MEI1: variants seen among roughly 807,000 people sequenced by gnomAD.
MEI1 encodes the protein meiotic double-stranded break formation protein 1, also known as meiosis inhibitor protein 1.
In MEI1, 103 loss-of-function variants were observed where a neutral mutation model predicts 146.2. The observed-to-expected ratio is 0.70, with a 90% CI of 0.60 to 0.83. The LOEUF (loss-of-function observed/expected upper bound fraction) is 0.83, where lower values mean the gene tolerates loss of function less well. Among genes scored for constraint, MEI1 ranks in the 40% least tolerant of loss-of-function variants. The pLI, the probability that MEI1 is intolerant of heterozygous loss-of-function variation, is 0.00. For synonymous variants in MEI1, 652 were observed against 628.2 expected, an observed-to-expected ratio of 1.04 and a Z score of -0.57; for missense variants, 1,529 against 1,533.0, an observed-to-expected ratio of 1.00 and a Z score of 0.04.
chr22:41,730,407 A>G, intron 8 of MEI1, 114 bp from the exon 9 acceptor site: 1 of 691,472 alleles, frequency 1.4e-6, no homozygotes, highest in South Asian at 1.6e-5. Context: ...AGGATATGTG[A>G]ACAGATGAAG....
chr22:41,757,739 G>C (rs986833274), intron 17 of MEI1, among the ~76,000 whole-genome samples: 1 of 152,146 alleles, frequency 6.6e-6, no homozygotes, highest in African/African-American at 2.4e-5. Flanking sequence ...GCAATTGCCT[G>C]TCTCATTATG....
chr22:41,721,562 A>C (rs1179007256), intron 6 of MEI1, among the ~76,000 whole-genome samples: 1 of 43,504 alleles, frequency 2.3e-5, no homozygotes, highest in Non-Finnish European at 4.5e-5. Context: ...GCTAATTAAA[A>C]AATTTTTTTT....
At chr22:41,713,552 T>C (rs2069806409) in intron 3 of MEI1, among the ~76,000 whole-genome samples, 1 of 152,120 alleles carries the variant, frequency 6.6e-6, no homozygotes, top group South Asian at 2.1e-4. Flanking sequence ...TTGTTTTGTT[T>C]TGTTTTGTTT....
chr22:41,751,765 T>C, intron 15 of MEI1, among the ~76,000 whole-genome samples: 3 of 91,956 alleles, frequency 3.3e-5, no homozygotes, highest in African/African-American at 9.5e-5. Context: ...AGCGTGAAAC[T>C]CCATCTTAAA....
At chr22:41,752,416 C>T (rs931383766) in intron 15 of MEI1, 175 bp from the exon 16 acceptor site, 2 of 611,900 alleles carry the variant, frequency 3.3e-6, no homozygotes, top group Non-Finnish European at 6.0e-6. Context: ...AAAACTGAGT[C>T]TCAGAGAAGT....
chr22:41,758,396 T>C lies in MEI1; in HGVS notation c.1983T>C (p.His661=). The C allele has an allele frequency of 6.2e-7, 1 of 1,613,866 alleles. No individual in the cohort carries two copies. Among genetic ancestry groups the C allele is most frequent in the South Asian group, 1.1e-5 (1 of 91,084 alleles). The change falls in exon 18 of 31, where the codon CAT becomes CAC. Residue 661 remains histidine, a synonymous_variant. Coordinates refer to ENST00000401548, the MANE Select transcript of MEI1 (RefSeq NM_152513.4). ...CTGCAGTGTCTGAGCTCCTGCAGCATGGGCTGCCCCAGATAAGCAGCAGGA... is the reference window on the plus strand; with the variant it reads ...CTGCAGTGTCTGAGCTCCTGCAGCACGGGCTGCCCCAGATAAGCAGCAGGA... The part of the protein sequence containing the change: ...ELSAVSELLQ[H]GLPQISSRSP...
intron 20 of MEI1, among the ~76,000 whole-genome samples, chr22:41,772,389 T>A (rs1227318768): frequency 6.6e-6 from 1 of 152,156 alleles, no homozygotes; most frequent in Non-Finnish European, 1.5e-5. Context: ...ATGCCTATAA[T>A]CCCAGTACTT....
intron 6 of MEI1, among the ~76,000 whole-genome samples, chr22:41,720,556 G>A (rs9607834): frequency 1.4e-4 from 21 of 150,920 alleles, no homozygotes; most frequent in Admixed American, 3.3e-4. Flanking sequence ...TCAGCCTACC[G>A]AGTAGCTGGG....
At chr22:41,705,408 GTAATCTGCCACC>G in intron 2 of MEI1, 84 bp from the exon 3 acceptor site, 2 of 1,005,262 alleles carry the variant, frequency 2.0e-6, no homozygotes, top group Non-Finnish European at 3.2e-6. Context: ...CTGACCTCAG[GTAATCTGCCACC>G]TCGGCCTCCC....
chr22:41,758,946 C>T (rs2074273993), intron 18 of MEI1, among the ~76,000 whole-genome samples: 1 of 152,082 alleles, frequency 6.6e-6, no homozygotes, highest in African/African-American at 2.4e-5. Flanking sequence ...AGTTCGAGAC[C>T]AGCCTGGCCA....
chr22:41,740,034 G>C (rs112724017), intron 11 of MEI1, among the ~76,000 whole-genome samples: 8 of 150,492 alleles, frequency 5.3e-5, no homozygotes, highest in African/African-American at 1.2e-4. Flanking sequence ...TTTTTTTGGT[G>C]GGGGGGGTGG....
intron 7 of MEI1, among the ~76,000 whole-genome samples, chr22:41,725,117 TATTA>T (rs1341614085): frequency 1.3e-5 from 2 of 148,398 alleles, no homozygotes; most frequent in Non-Finnish European, 2.9e-5. Context: ...TGTAAATTAT[TATTA>T]TTTTTTTTTT....
At position 41,795,601 on chromosome 22, in the gene MEI1, C is replaced by T. The variant is rs985327379; in HGVS notation, c.3666+59C>T. 1.3e-5 allele frequency: 21 copies of T among 1,607,824 alleles called. No homozygotes were observed. Among genetic ancestry groups the T allele is most frequent in the Admixed American group, 1.7e-5 (1 of 59,690 alleles). ...AAAGCTAGACCCTCAACACCATCTT[C>T]TCTTGGAGGGTGGGAGCTCTGGCCA... is the stretch of plus-strand genomic sequence containing the variant. On this transcript the variant is annotated intron_variant, in intron 29 of 30. Coordinates refer to ENST00000401548, the MANE Select transcript of MEI1 (RefSeq NM_152513.4). The surrounding 1 kb of genome is among the most constrained non-coding windows in gnomAD (Gnocchi z 4.2).
intron 4 of MEI1, among the ~76,000 whole-genome samples, chr22:41,714,352 C>T (rs914811773): frequency 7.2e-5 from 11 of 152,090 alleles, no homozygotes; most frequent in African/African-American, 2.4e-4. Flanking sequence ...GTTCATTTTC[C>T]GTGACTTCCT....
intron 23 of MEI1, 77 bp downstream of exon 23, chr22:41,781,471 A>C: frequency 7.6e-7 from 1 of 1,315,922 alleles, no homozygotes; most frequent in East Asian, 2.5e-5. Context: ...TTTCATCTTA[A>C]AAAAACAAAT....
At chr22:41,745,097 A>T in intron 13 of MEI1, 33 bp downstream of exon 13, 1 of 1,431,502 alleles carries the variant, frequency 7.0e-7, no homozygotes. Flanking sequence ...AAGTAATAGC[A>T]TGGAAGGTAG....
At chr22:41,786,145 C>T (rs1340770279) in intron 26 of MEI1, among the ~76,000 whole-genome samples, 2 of 150,616 alleles carry the variant, frequency 1.3e-5, no homozygotes, top group Admixed American at 1.3e-4. Context: ...CTCCTGACCT[C>T]GTGATCCGCC....
At chr22:41,744,174 A>G (rs1444942809) in intron 12 of MEI1, among the ~76,000 whole-genome samples, 19 of 147,734 alleles carry the variant, frequency 1.3e-4, no homozygotes, top group Admixed American at 1.3e-3. Context: ...CCCTGCTACC[A>G]TTTTTTTTTA....
intron 15 of MEI1, chr22:41,752,330 G>C: frequency 2.2e-6 from 1 of 450,932 alleles, no homozygotes; most frequent in Non-Finnish European, 4.1e-6. Flanking sequence ...CACTTACTTT[G>C]AGCCAAGTAT....
Sources: allele counts gnomAD v4.1 joint callset (sites outside exome capture counted in the v4.1 genomes callset), GRCh38; gene constraint gnomAD v4.1.1; non-coding constraint Gnocchi (gnomAD v3.1); transcripts MANE v1.5; gene names NCBI Gene and HGNC (gene_info 2026-07-23, HGNC 2026-07-21).